KIF13B: variants seen among roughly 807,000 people sequenced by gnomAD.
The protein encoded by KIF13B is kinesin-like protein KIF13B.
Under a neutral mutation model 222.0 loss-of-function variants are expected in KIF13B, and 127 were observed. The observed-to-expected ratio is 0.57, with a 90% CI of 0.50 to 0.66. KIF13B has a LOEUF of 0.66. KIF13B is among the 30% of genes least tolerant of loss of function. The pLI, the probability that KIF13B is intolerant of heterozygous loss-of-function variation, is 0.00. For synonymous variants in KIF13B, 976 were observed against 919.0 expected, an observed-to-expected ratio of 1.06 and a Z score of -1.12; for missense variants, 2,173 against 2,379.0, an observed-to-expected ratio of 0.91 and a Z score of 1.80.
rs112826611 is a variant in KIF13B at position 29,132,254 on chromosome 8, CA to C, written c.2942+53del. 4.9e-3 allele frequency: 5,681 copies of C among 1,171,272 alleles called. 67 individuals carry two copies. The highest frequency in any genetic ancestry group is 0.047 in the African/African-American group (2,947 of 62,456). The allele number at this position is 1,171,272 out of a possible 1,614,324, so 72.6% of individuals were successfully genotyped here. On this transcript the variant is annotated intron_variant, in intron 23 of 39. Transcript: ENST00000524189. ...GAGTGAATGAGACTGTCTCAAAAAA[CA>C]AAAAAAAAATTACATATATATAAAT...
chr8:29,087,093 T>C lies in KIF13B; in HGVS notation c.4458+5652A>G, dbSNP rs138241910. Among the ~76,000 whole-genome samples the C allele has an allele frequency of 2.1e-3, 314 of 152,344 alleles. 1 individual carries two copies. Among genetic ancestry groups the C allele is most frequent in the African/African-American group, 6.9e-3 (286 of 41,586 alleles). ...TCCACTCTGCTTCAGGCTTACTTGATTGGTGACACAGAGGATGGCCCTGGC... is the reference window on the plus strand; with the variant it reads ...TCCACTCTGCTTCAGGCTTACTTGACTGGTGACACAGAGGATGGCCCTGGC... On this transcript the variant is annotated intron_variant, in intron 37 of 39. Transcript: ENST00000524189.
intron 2 of KIF13B, among the ~76,000 whole-genome samples, chr8:29,207,260 C>A (rs571727002): frequency 6.6e-6 from 1 of 152,170 alleles, no homozygotes; most frequent in Non-Finnish European, 1.5e-5. Context: ...CACTTCTATC[C>A]TTTCGGTTAC....
intron 10 of KIF13B, among the ~76,000 whole-genome samples, chr8:29,168,183 G>A (rs1473564540): frequency 6.6e-6 from 1 of 152,232 alleles, no homozygotes; most frequent in East Asian, 1.9e-4. Flanking sequence ...AAGATTGCAA[G>A]TTCTACAGAA....
rs1390811192 is a variant in KIF13B, at chr8:29,166,692, G to C, written c.1158+681C>G. Among the ~76,000 whole-genome samples the C allele has an allele frequency of 4.7e-5, 5 of 105,440 alleles. No individual in the cohort carries two copies. In the East Asian group the frequency reaches 1.2e-3, roughly 25 times the overall value. 69.2% of individuals were successfully genotyped at this position (105,440 alleles called of 152,430 possible). A position where few individuals can be genotyped will look rare whatever the true frequency, so the allele number is the denominator to read the frequency against. On this transcript the variant is annotated intron_variant, in intron 11 of 39. Coordinates refer to ENST00000524189, the MANE Select transcript of KIF13B (RefSeq NM_015254.4). ...GCACTCCAGCGTGGGCAACAAGAGTGAAACTCCACCTCAAAAAAAAAAAAA... is the reference window on the plus strand; with the variant it reads ...GCACTCCAGCGTGGGCAACAAGAGTCAAACTCCACCTCAAAAAAAAAAAAA...
chr8:29,136,795 G>GTTTTTTT (rs1203051867), intron 21 of KIF13B, among the ~76,000 whole-genome samples: 2 of 116,840 alleles, frequency 1.7e-5, no homozygotes, highest in African/African-American at 3.3e-5. Context: ...CCTGTAACAG[G>GTTTTTTT]TTTTTTTTTT....
intron 23 of KIF13B, 38 bp downstream of exon 23, chr8:29,132,270 T>G: frequency 7.4e-7 from 1 of 1,358,502 alleles, no homozygotes; most frequent in South Asian, 2.1e-5. Flanking sequence ...AAAAATTACA[T>G]ATATATAAAT....
chr8:29,134,274 AG>A, intron 21 of KIF13B, 64 bp from the exon 22 acceptor site: 4 of 1,518,886 alleles, frequency 2.6e-6, no homozygotes, highest in Non-Finnish European at 3.6e-6. Flanking sequence ...TCAGAGTTGC[AG>A]GTTCCAGCCC....
intron 1 of KIF13B, chr8:29,249,870 T>C (rs1482009897): frequency 2.4e-6 from 1 of 414,734 alleles, no homozygotes; most frequent in Admixed American, 3.2e-5. Flanking sequence ...CATGGTCAAC[T>C]GGCATTAAAG....
At chr8:29,107,314 G>A (rs1463330341) in intron 35 of KIF13B, among the ~76,000 whole-genome samples, 5 of 151,822 alleles carry the variant, frequency 3.3e-5, no homozygotes, top group African/African-American at 4.8e-5. Context: ...GATTACCTGC[G>A]GTCTGGAGTT....
Position 29,148,455 on chromosome 8 carries a change from G to C in KIF13B, c.1813+122C>G, listed in dbSNP as rs1811156956. 9.1e-6 allele frequency: 5 copies of C among 550,648 alleles called. No individual in the cohort carries two copies. In the South Asian group the frequency reaches 1.7e-4, roughly 19 times the overall value. The allele number at this position is 550,648 out of a possible 1,614,324, so 34.1% of individuals were successfully genotyped here. On this transcript the variant is annotated intron_variant, in intron 16 of 39. Coordinates refer to ENST00000524189, the MANE Select transcript of KIF13B (RefSeq NM_015254.4). ...GCTATGTTGCCCAGGCTAAAGAGCA[G>C]TGGTTATTCACGGGCACAGTCTCAG...
intron 6 of KIF13B, among the ~76,000 whole-genome samples, chr8:29,184,626 CGTAA>C (rs747149979): frequency 9.2e-5 from 14 of 152,156 alleles, no homozygotes; most frequent in Non-Finnish European, 1.5e-4. Flanking sequence ...AAGTAATTAC[CGTAA>C]GTAAGCTGTT....
Position 29,075,363 on chromosome 8 carries a change from G to C in KIF13B, c.4459-20C>G. ...CACGGGCTGAGGAGGCAAGTGTGCA[G>C]GTCAGGGGTCGAGAGGACAGAACAG... On this transcript the variant is annotated intron_variant, in intron 37 of 39. Coordinates refer to ENST00000524189, the MANE Select transcript of KIF13B (RefSeq NM_015254.4). The C allele has an allele frequency of 6.4e-7, 1 of 1,552,446 alleles. No individual in the cohort carries two copies. Among genetic ancestry groups the C allele is most frequent in the Non-Finnish European group, 8.7e-7 (1 of 1,147,590 alleles).
intron 8 of KIF13B, among the ~76,000 whole-genome samples, chr8:29,179,168 G>C (rs1216826900): frequency 1.3e-5 from 2 of 151,062 alleles, no homozygotes; most frequent in Admixed American, 1.3e-4. Flanking sequence ...CTGTTGCCCA[G>C]GGCAGTGGGG....
At chr8:29,116,451 A>T (rs1809601878) in intron 31 of KIF13B, among the ~76,000 whole-genome samples, 1 of 152,118 alleles carries the variant, frequency 6.6e-6, no homozygotes, top group Admixed American at 6.5e-5. Context: ...CCTGAGCAAC[A>T]GAGCAAGACT....
chr8:29,167,306 G>A, intron 11 of KIF13B, 67 bp downstream of exon 11: 2 of 1,355,884 alleles, frequency 1.5e-6, no homozygotes, highest in Non-Finnish European at 2.1e-6. Context: ...CCCAGGGGAA[G>A]GAAATTCAAG....
chr8:29,094,140 C>T (rs1436455228), intron 36 of KIF13B, among the ~76,000 whole-genome samples: 1 of 152,066 alleles, frequency 6.6e-6, no homozygotes, highest in African/African-American at 2.4e-5. Context: ...TCCAACCTCC[C>T]GACCACACAT....
rs780144243 is a variant in KIF13B, at chr8:29,124,036, C to T, written c.3340G>A (p.Val1114Ile). The T allele has an allele frequency of 6.2e-7, 1 of 1,605,412 alleles. No homozygotes were observed. The highest frequency in any genetic ancestry group is 1.1e-5 in the South Asian group (1 of 90,416). ...EYLDQQLQKL[V>I]SKRDKTEDDA... The stretch of plus-strand genomic sequence containing the variant: ...TTGTTTTTCCTACCACGTTTACTGA[C>T]AAGCTTTTGCAATTGTTGATCCAAG... Residue 1114 changes from valine (V) to isoleucine (I), a missense_variant, in exon 27 of 40, where the codon GTC becomes ATC. This residue lies in a region of KIF13B where 1,480 missense variants were observed against 1,722.8 expected (regional missense o/e 0.86). Transcript: ENST00000524189.
chr8:29,200,516 C>CA (rs764500707), intron 2 of KIF13B, among the ~76,000 whole-genome samples: 2 of 152,102 alleles, frequency 1.3e-5, no homozygotes, highest in Non-Finnish European at 2.9e-5. Flanking sequence ...AAAAATAGTA[C>CA]AAAAAAATCC....
At chr8:29,223,694 A>G (rs1318006758) in intron 2 of KIF13B, among the ~76,000 whole-genome samples, 1 of 152,202 alleles carries the variant, frequency 6.6e-6, no homozygotes, top group African/African-American at 2.4e-5. Flanking sequence ...TTTTGAAAAT[A>G]AATAAGAATG....
Sources: gnomAD v4.1 joint callset for allele counts (sites outside exome capture counted in the v4.1 genomes callset) on GRCh38, gnomAD v4.1.1 for gene constraint, gnomAD v4.1.1 regional missense constraint, MANE v1.5 for transcripts, NCBI Gene and HGNC (gene_info 2026-07-23, HGNC 2026-07-21) for gene names.